The following PRKN variants were observed in gnomAD, a reference collection of about 807,000 sequenced individuals.
PRKN encodes E3 ubiquitin-protein ligase parkin.
PRKN carries 56 observed loss-of-function variants against 59.5 expected under a neutral mutation model. The observed-to-expected ratio is 0.94, with a 90% CI of 0.76 to 1.18. The LOEUF (loss-of-function observed/expected upper bound fraction) is 1.18. Ranked by LOEUF, PRKN falls within the 50% of genes most tolerant of loss-of-function variation. PRKN has a pLI of 0.00. For synonymous variants in PRKN, 250 were observed against 222.1 expected (o/e 1.13, Z -1.12); for missense variants, 657 against 596.4 (o/e 1.10, Z -1.06).
intron 7 of PRKN, among the ~76,000 whole-genome samples, chr6:161,703,839 C>CTTTTTTTTTT (rs71004062): frequency 3.3e-5 from 2 of 59,858 alleles, no homozygotes; most frequent in Non-Finnish European, 6.3e-5. Flanking sequence ...CTCTCTCTCT[C>CTTTTTTTTTT]TTTTTTTTTT....
At chr6:162,560,050 G>A (rs1293594951) in intron 1 of PRKN, among the ~76,000 whole-genome samples, 1 of 152,058 alleles carries the variant, frequency 6.6e-6, no homozygotes, top group Non-Finnish European at 1.5e-5. Context: ...CTATTTATAT[G>A]TATTTCATTC....
chr6:162,059,276 A>C (rs1218533832), intron 4 of PRKN, among the ~76,000 whole-genome samples: 1 of 152,138 alleles, frequency 6.6e-6, no homozygotes, highest in African/African-American at 2.4e-5. Context: ...CAATGGTGTA[A>C]GTAGTAAAAC....
chr6:162,342,307 C>T (rs751083844), intron 2 of PRKN, among the ~76,000 whole-genome samples: 11 of 152,088 alleles, frequency 7.2e-5, no homozygotes, highest in East Asian at 1.9e-4. Context: ...AGTTTTTCCA[C>T]GAGTAAGTGA....
chr6:162,685,364 T>A (rs1442350549), intron 1 of PRKN, among the ~76,000 whole-genome samples: 1 of 152,212 alleles, frequency 6.6e-6, no homozygotes, highest in Non-Finnish European at 1.5e-5. Context: ...AGTAGAACTG[T>A]GCTACTTCTT....
intron 6 of PRKN, among the ~76,000 whole-genome samples, chr6:161,935,979 A>AACAAAACT (rs1392779329): frequency 1.3e-5 from 2 of 152,216 alleles, no homozygotes; most frequent in African/African-American, 4.8e-5. Context: ...CTTGAGGGGT[A>AACAAAACT]ACAAAACTCT....
chr6:161,832,691 C>T (rs529128455), intron 6 of PRKN, among the ~76,000 whole-genome samples: 1 of 151,760 alleles, frequency 6.6e-6, no homozygotes, highest in African/African-American at 2.4e-5. Flanking sequence ...AGGCCGATCC[C>T]TAAGGCCTCC....
rs1268846604 is a variant in PRKN at position 161,488,833 on chromosome 6, A to T, written c.1083+60021T>A. ...ATCTTGACTACTAAGAGACTAGGGG[A>T]CCATGAAAGAAAACAGTACATTAAC... is the stretch of plus-strand genomic sequence containing the variant. On this transcript the variant is annotated intron_variant, in intron 9 of 11. Coordinates refer to ENST00000366898, the MANE Select transcript of PRKN (RefSeq NM_004562.3). The surrounding 1 kb of genome is among the most constrained non-coding windows in gnomAD (Gnocchi z 4.5). Among the ~76,000 whole-genome samples, 1 of 152,132 alleles carries T rather than the reference A, an allele frequency of 6.6e-6. No individual in the cohort carries two copies. Among genetic ancestry groups the T allele is most frequent in the East Asian group, 1.9e-4 (1 of 5,188 alleles).
chr6:161,537,747 G>C (rs1008185168), intron 9 of PRKN, among the ~76,000 whole-genome samples: 1 of 152,156 alleles, frequency 6.6e-6, no homozygotes, highest in Non-Finnish European at 1.5e-5. Context: ...CACTGCGCCC[G>C]GCCTCAAATT....
chr6:161,595,804 T>C (rs1285937907), intron 7 of PRKN, among the ~76,000 whole-genome samples: 1 of 152,156 alleles, frequency 6.6e-6, no homozygotes, highest in African/African-American at 2.4e-5. Flanking sequence ...TTTGATTGCT[T>C]ATCAGCCAAA....
chr6:162,188,584 C>A (rs1422168423), intron 4 of PRKN, among the ~76,000 whole-genome samples: 2 of 152,170 alleles, frequency 1.3e-5, no homozygotes, highest in African/African-American at 4.8e-5. Flanking sequence ...GATCTTCTTT[C>A]ATAGTCTTGC....
At chr6:162,552,013 G>C (rs770104080) in intron 1 of PRKN, among the ~76,000 whole-genome samples, 31 of 152,146 alleles carry the variant, frequency 2.0e-4, no homozygotes, top group Non-Finnish European at 4.0e-4. Context: ...ATCCTACCTA[G>C]AAAAAATGGT....
At chr6:162,378,711 C>T (rs780472044) in intron 2 of PRKN, among the ~76,000 whole-genome samples, 1 of 152,216 alleles carries the variant, frequency 6.6e-6, no homozygotes, top group Non-Finnish European at 1.5e-5. Context: ...CAAGAAGAAA[C>T]AGAACATGCT....
At position 162,264,045 on chromosome 6, in the gene PRKN, G is replaced by A. The variant is rs1403855068; in HGVS notation, c.172-1280C>T. ...TCCCAGCACTTTGGGAGGCCAAGGC[G>A]GGCGGATCACTTGAGGCCAGTAGTT... On this transcript the variant is annotated intron_variant, in intron 2 of 11. Coordinates refer to ENST00000366898, the MANE Select transcript of PRKN (RefSeq NM_004562.3). Among the ~76,000 whole-genome samples the A allele has an allele frequency of 3.9e-5, 6 of 152,034 alleles. No homozygotes were observed. In the East Asian group the frequency reaches 5.8e-4, roughly 15 times the overall value.
chr6:162,470,113 A>G (rs1791656910), intron 1 of PRKN, among the ~76,000 whole-genome samples: 1 of 152,178 alleles, frequency 6.6e-6, no homozygotes, highest in African/African-American at 2.4e-5. Context: ...TCAGCTCTCT[A>G]TCAATGACAG....
At chr6:161,879,384 C>G (rs1016965292) in intron 6 of PRKN, among the ~76,000 whole-genome samples, 1 of 133,026 alleles carries the variant, frequency 7.5e-6, no homozygotes, top group Non-Finnish European at 1.5e-5. Flanking sequence ...TGCTCTGTTG[C>G]CCAGGCTGGG....
At chr6:162,556,772 G>C (rs1464635866) in intron 1 of PRKN, among the ~76,000 whole-genome samples, 1 of 138,316 alleles carries the variant, frequency 7.2e-6, no homozygotes, top group Admixed American at 7.3e-5. Context: ...AAGAGAAAAG[G>C]AAGCTGTAGC....
intron 4 of PRKN, among the ~76,000 whole-genome samples, chr6:162,097,516 A>T (rs1227633483): frequency 6.6e-6 from 1 of 152,194 alleles, no homozygotes; most frequent in Admixed American, 6.5e-5. Flanking sequence ...GAATTTCCGT[A>T]ATGGTGGTTA....
intron 9 of PRKN, among the ~76,000 whole-genome samples, chr6:161,392,317 G>A (rs1786547459): frequency 6.6e-6 from 1 of 151,892 alleles, no homozygotes; most frequent in Middle Eastern, 3.2e-3. Flanking sequence ...CCTGGAGGCG[G>A]AGGTTGCAGT....
rs1322330061 is a variant in PRKN, at chr6:162,241,770, T to C, written c.412+20755A>G. Reference sequence around the variant, plus strand: ...TATATATACAGGCTATTGAATTCTATATGTAGTAATAATCATGAAACTCAG... The same window carrying C: ...TATATATACAGGCTATTGAATTCTACATGTAGTAATAATCATGAAACTCAG... On this transcript the variant is annotated intron_variant, in intron 3 of 11. Coordinates refer to ENST00000366898, the MANE Select transcript of PRKN (RefSeq NM_004562.3). Among the ~76,000 whole-genome samples, 3 of 152,152 alleles carry C rather than the reference T, an allele frequency of 2.0e-5. No individual in the cohort carries two copies. The East Asian group carries it at 5.8e-4, about 29-fold the overall frequency.
Sources: allele counts gnomAD v4.1 joint callset (sites outside exome capture counted in the v4.1 genomes callset), GRCh38; gene constraint gnomAD v4.1.1; non-coding constraint Gnocchi (gnomAD v3.1); transcripts MANE v1.5; gene names NCBI Gene and HGNC (gene_info 2026-07-23, HGNC 2026-07-21).